NAA15: variants seen among roughly 807,000 people sequenced by gnomAD.
NAA15 encodes N-alpha-acetyltransferase 15, NatA auxiliary subunit.
In NAA15, 34 loss-of-function variants were observed where a neutral mutation model predicts 114.0. The observed-to-expected ratio is 0.30, with a 90% CI of 0.23 to 0.40. NAA15 has a LOEUF of 0.40. NAA15 is among the 10% of genes least tolerant of loss of function. The probability of loss-of-function intolerance (pLI) is 1.00; values close to 1 mark genes in which losing one functional copy is unlikely to be tolerated. For missense variants in NAA15, 658 were observed against 1,004.5 expected (o/e 0.66, Z 4.66); for synonymous variants, 340 against 338.0 (o/e 1.01, Z -0.06).
intron 15 of NAA15, among the ~76,000 whole-genome samples, chr4:139,373,703 C>G (rs1177234474): frequency 4.9e-5 from 7 of 143,052 alleles, no homozygotes; most frequent in Non-Finnish European, 9.2e-5. Context: ...TGTTTGTTTG[C>G]TTTTTTTTTT....
intron 4 of NAA15, among the ~76,000 whole-genome samples, chr4:139,342,424 T>C (rs1476201758): frequency 1.3e-5 from 2 of 152,136 alleles, no homozygotes; most frequent in Non-Finnish European, 2.9e-5. Context: ...TTTTCTATTA[T>C]TGTTCCCATC....
chr4:139,346,190 G>A (rs993205043), intron 6 of NAA15, among the ~76,000 whole-genome samples: 16 of 152,176 alleles, frequency 1.1e-4, no homozygotes, highest in African/African-American at 3.9e-4. Context: ...GTAAGAACAT[G>A]AATAGTTCAC....
Position 139,329,622 on chromosome 4 carries a change from A to G in NAA15, c.55-4552A>G, listed in dbSNP as rs1157857447. ...TTCTACAGCTGTTCGTTGACACTCC[A>G]TTCTGGCAAGTTGGAACTCTTACTA... On this transcript the variant is annotated intron_variant, in intron 1 of 19. Coordinates refer to ENST00000296543, the MANE Select transcript of NAA15 (RefSeq NM_057175.5). Among the ~76,000 whole-genome samples, 4 of 152,204 alleles carry G rather than the reference A, an allele frequency of 2.6e-5. No homozygotes were observed. In the East Asian group the frequency reaches 7.7e-4, roughly 29 times the overall value.
intron 15 of NAA15, among the ~76,000 whole-genome samples, chr4:139,373,678 A>G (rs1748502922): frequency 6.7e-6 from 1 of 150,358 alleles, no homozygotes; most frequent in African/African-American, 2.4e-5. Flanking sequence ...GCCTTCACTC[A>G]GCATTTTGTT....
At chr4:139,303,032 C>A (rs1230164612) in intron 1 of NAA15, among the ~76,000 whole-genome samples, 1 of 152,214 alleles carries the variant, frequency 6.6e-6, no homozygotes, top group African/African-American at 2.4e-5. Flanking sequence ...AAAAGTAGAA[C>A]AACTCTGGGG....
At chr4:139,346,909 G>T (rs918629486) in intron 6 of NAA15, among the ~76,000 whole-genome samples, 2 of 152,140 alleles carry the variant, frequency 1.3e-5, no homozygotes, top group Non-Finnish European at 2.9e-5. Context: ...ACGAGGATGG[G>T]TATAGTGTAG....
chr4:139,321,889 A>G (rs1469004512), intron 1 of NAA15, among the ~76,000 whole-genome samples: 1 of 151,876 alleles, frequency 6.6e-6, no homozygotes, highest in Non-Finnish European at 1.5e-5. Context: ...TGTTATTAAT[A>G]TTTCTGACTC....
At chr4:139,329,460 T>C (rs1423379808) in intron 1 of NAA15, among the ~76,000 whole-genome samples, 2 of 152,236 alleles carry the variant, frequency 1.3e-5, no homozygotes, top group Non-Finnish European at 2.9e-5. Context: ...TGTTGGACTT[T>C]GTTGTGGTGC....
intron 1 of NAA15, among the ~76,000 whole-genome samples, chr4:139,329,696 TTGTCTGGCCTTGTTA>T (rs1314494788): frequency 1.3e-5 from 2 of 152,254 alleles, no homozygotes; most frequent in Non-Finnish European, 2.9e-5. Context: ...TCATCATTCT[TTGTCTGGCCTTGTTA>T]TGTTTCACCC....
intron 6 of NAA15, among the ~76,000 whole-genome samples, chr4:139,347,379 C>T (rs898191874): frequency 6.6e-6 from 1 of 152,012 alleles, no homozygotes; most frequent in Non-Finnish European, 1.5e-5. Context: ...TGTCTGTAAT[C>T]CCAGCACTTT....
intron 13 of NAA15, 47 bp downstream of exon 13, chr4:139,360,675 G>T: frequency 6.7e-7 from 1 of 1,494,062 alleles, no homozygotes; most frequent in South Asian, 1.3e-5. Context: ...TCTGTCGATG[G>T]TTTTGGACAA....
intron 1 of NAA15, among the ~76,000 whole-genome samples, chr4:139,326,199 T>C (rs1241741986): frequency 6.6e-6 from 1 of 152,174 alleles, no homozygotes. Flanking sequence ...AATGGTTAGG[T>C]GTTATGGTTC....
At chr4:139,354,993 C>T (rs1162421267) in intron 10 of NAA15, among the ~76,000 whole-genome samples, 1 of 152,212 alleles carries the variant, frequency 6.6e-6, no homozygotes, top group African/African-American at 2.4e-5. Flanking sequence ...TCTCCTGCCT[C>T]AGCCTCCCGA....
At chr4:139,373,769 C>A (rs917240037) in intron 15 of NAA15, among the ~76,000 whole-genome samples, 9 of 151,934 alleles carry the variant, frequency 5.9e-5, no homozygotes, top group Non-Finnish European at 1.2e-4. Flanking sequence ...ATGATCTCAG[C>A]TCACTGCAAC....
intron 3 of NAA15, among the ~76,000 whole-genome samples, chr4:139,338,837 G>A (rs984713857): frequency 4.6e-5 from 7 of 150,658 alleles, no homozygotes; most frequent in African/African-American, 1.7e-4. Flanking sequence ...TTGAGATGGA[G>A]TTTCACTCTG....
chr4:139,336,425 T>G (rs987149289), intron 2 of NAA15, among the ~76,000 whole-genome samples: 43 of 152,136 alleles, frequency 2.8e-4, no homozygotes, highest in African/African-American at 8.9e-4. Context: ...TGTGTATTTT[T>G]TAAATCACTG....
intron 15 of NAA15, among the ~76,000 whole-genome samples, chr4:139,372,682 G>A (rs960529395): frequency 2.6e-5 from 4 of 151,976 alleles, no homozygotes; most frequent in Admixed American, 1.3e-4. Context: ...TTTAAAGGCC[G>A]CCTGCCAAGT....
intron 17 of NAA15, among the ~76,000 whole-genome samples, chr4:139,382,326 A>C (rs1335678259): frequency 2.2e-4 from 33 of 152,128 alleles, no homozygotes; most frequent in Non-Finnish European, 5.9e-5. Context: ...AACTTTTTGG[A>C]ATCAGCTGTT....
At chr4:139,310,064 C>T (rs1409836191) in intron 1 of NAA15, among the ~76,000 whole-genome samples, 3 of 152,120 alleles carry the variant, frequency 2.0e-5, no homozygotes, top group East Asian at 1.9e-4. Flanking sequence ...GAAGGGATCC[C>T]TCTCCTTAGT....
Sources: allele counts gnomAD v4.1 joint callset (sites outside exome capture counted in the v4.1 genomes callset), GRCh38; gene constraint gnomAD v4.1.1; transcripts MANE v1.5; gene names NCBI Gene and HGNC (gene_info 2026-07-23, HGNC 2026-07-21).